The following SSBP2 variants were observed in gnomAD, a reference collection of about 807,000 sequenced individuals.
SSBP2 encodes single-stranded DNA-binding protein 2.
A neutral mutation model predicts 61.8 loss-of-function variants in SSBP2; 17 were observed. That is an observed-to-expected ratio of 0.28 (90% confidence interval 0.19 to 0.41). The LOEUF (loss-of-function observed/expected upper bound fraction) is 0.41, where lower values mean the gene tolerates loss of function less well. Ranked by LOEUF, SSBP2 falls within the 10% of genes least tolerant of loss-of-function variation. SSBP2 has a pLI of 1.00. For missense variants in SSBP2, 310 were observed against 458.7 expected (o/e 0.68, Z 2.96); for synonymous variants, 139 against 141.3 (o/e 0.98, Z 0.12).
intron 1 of SSBP2, among the ~76,000 whole-genome samples, chr5:81,651,855 T>C (rs1477382689): frequency 1.3e-5 from 2 of 152,176 alleles, no homozygotes; most frequent in South Asian, 4.1e-4. Flanking sequence ...TACCGCATGA[T>C]TCAGTGCCCA....
chr5:81,484,913 T>A (rs1766270135), intron 6 of SSBP2, among the ~76,000 whole-genome samples: 1 of 152,184 alleles, frequency 6.6e-6, no homozygotes. Context: ...ATATATCTGT[T>A]GACAGTGTTT....
chr5:81,568,738 T>C (rs1459058887), intron 4 of SSBP2, among the ~76,000 whole-genome samples: 2 of 152,246 alleles, frequency 1.3e-5, no homozygotes, highest in Non-Finnish European at 2.9e-5. Context: ...ATTTAAAATG[T>C]TCCCTTTGTA....
intron 4 of SSBP2, among the ~76,000 whole-genome samples, chr5:81,585,273 T>A (rs553377109): frequency 1.0e-3 from 152 of 152,222 alleles, no homozygotes; most frequent in African/African-American, 3.5e-3. Flanking sequence ...CCTCTCCTTA[T>A]ACTACCTATC....
At chr5:81,456,357 T>G (rs1358758111) in intron 10 of SSBP2, among the ~76,000 whole-genome samples, 1 of 151,744 alleles carries the variant, frequency 6.6e-6, no homozygotes, top group Non-Finnish European at 1.5e-5. Context: ...TGCCTTTTTT[T>G]TTTTTTTTCA....
At chr5:81,449,974 C>T (rs1332660305) in intron 10 of SSBP2, among the ~76,000 whole-genome samples, 1 of 152,116 alleles carries the variant, frequency 6.6e-6, no homozygotes, top group Non-Finnish European at 1.5e-5. Context: ...TGAATGAATA[C>T]AACTTTGCTC....
At chr5:81,496,012 C>T (rs186844377) in intron 5 of SSBP2, among the ~76,000 whole-genome samples, 4 of 152,072 alleles carry the variant, frequency 2.6e-5, no homozygotes, top group African/African-American at 4.8e-5. Context: ...TTAGAATGAA[C>T]GAATTAACAT....
rs749509548 is a variant in SSBP2, at chr5:81,751,036, C to T, written c.7G>A (p.Gly3Ser). The stretch of plus-strand genomic sequence containing the variant: ...GCGCTGCTGTTACTCTTGCCTTTGC[C>T]GTACATGCTTGTGCCGAGAGCAGCT... Residue 3 changes from glycine (G) to serine (S), a missense_variant, in exon 1 of 17, where the codon GGC (glycine) becomes AGC (serine). Gly to Ser is a moderately conservative substitution (Grantham distance 56). This residue lies in a region of SSBP2 where 36 missense variants were observed against 27.0 expected (regional missense o/e 1.33). Coordinates refer to ENST00000320672, the MANE Select transcript of SSBP2 (RefSeq NM_012446.5). The T allele has an allele frequency of 6.3e-7, 1 of 1,596,902 alleles. No homozygotes were observed. The highest frequency in any genetic ancestry group is 1.3e-5 in the African/African-American group (1 of 74,674).
At chr5:81,643,595 C>CTTTT (rs368511957) in intron 2 of SSBP2, among the ~76,000 whole-genome samples, 1,580 of 59,908 alleles carry the variant, frequency 0.026, no homozygotes, top group Non-Finnish European at 0.034. Context: ...TTTTTCCTTT[C>CTTTT]TTTTTTTTTT....
chr5:81,471,417 G>A (rs1765236713), intron 8 of SSBP2, among the ~76,000 whole-genome samples: 2 of 151,780 alleles, frequency 1.3e-5, no homozygotes, highest in South Asian at 2.1e-4. Context: ...TGAAAAATAA[G>A]TGAATAAATA....
At chr5:81,695,991 AT>A (rs1425419776) in intron 1 of SSBP2, among the ~76,000 whole-genome samples, 1 of 152,200 alleles carries the variant, frequency 6.6e-6, no homozygotes, top group Non-Finnish European at 1.5e-5. Context: ...TCCTAATGAT[AT>A]TATTGATAAA....
chr5:81,660,271 C>T (rs990728096), intron 1 of SSBP2, among the ~76,000 whole-genome samples: 2 of 152,120 alleles, frequency 1.3e-5, no homozygotes, highest in Non-Finnish European at 2.9e-5. Context: ...ATCTACCCAT[C>T]TGACAAAGGT....
chr5:81,525,144 A>G (rs570924645), intron 4 of SSBP2, among the ~76,000 whole-genome samples: 14 of 152,058 alleles, frequency 9.2e-5, no homozygotes, highest in Admixed American at 9.2e-4. Context: ...TTCCCATCCA[A>G]CTGGATCTGA....
intron 4 of SSBP2, among the ~76,000 whole-genome samples, chr5:81,525,677 AAGCATTCCC>A (rs2154099016): frequency 6.6e-6 from 1 of 151,962 alleles, no homozygotes; most frequent in African/African-American, 2.4e-5. Context: ...CCTACCTGTA[AAGCATTCCC>A]ACTGTTCATT....
intron 4 of SSBP2, among the ~76,000 whole-genome samples, chr5:81,536,544 T>C (rs1193736428): frequency 6.6e-6 from 1 of 152,154 alleles, no homozygotes; most frequent in Admixed American, 6.6e-5. Context: ...GATTCAGCAG[T>C]TGCTCTTCTT....
chr5:81,723,885 T>A (rs560612514), intron 1 of SSBP2, among the ~76,000 whole-genome samples: 2 of 152,132 alleles, frequency 1.3e-5, no homozygotes, highest in South Asian at 4.2e-4. Flanking sequence ...GAAGGAGTTA[T>A]GTATTTATCC....
chr5:81,454,087 T>C (rs1006489219), intron 10 of SSBP2, among the ~76,000 whole-genome samples: 1 of 152,146 alleles, frequency 6.6e-6, no homozygotes, highest in Non-Finnish European at 1.5e-5. Flanking sequence ...CATTGCCACA[T>C]GGTGATTAAA....
intron 1 of SSBP2, among the ~76,000 whole-genome samples, chr5:81,668,329 C>A (rs1407210695): frequency 1.4e-5 from 2 of 140,326 alleles, no homozygotes; most frequent in Admixed American, 7.0e-5. Flanking sequence ...AGTTTTAACA[C>A]AGAATTAACA....
intron 13 of SSBP2, among the ~76,000 whole-genome samples, chr5:81,441,825 G>T (rs1221370975): frequency 1.3e-5 from 2 of 152,148 alleles, no homozygotes; most frequent in Non-Finnish European, 2.9e-5. Flanking sequence ...ATAAGTCAAA[G>T]AAATAATTGA....
In SSBP2 at chr5:81,488,085, T is replaced by TAC. The variant is rs1280547601; in HGVS notation, c.432+1163_432+1164dup. 1.5e-4 allele frequency among the ~76,000 whole-genome samples: 19 copies of TAC among 126,450 alleles called. 2 individuals are homozygous for TAC. The highest frequency in any genetic ancestry group is 5.4e-4 in the South Asian group (2 of 3,680). The allele number at this position is 126,450 out of a possible 152,430, so 83.0% of individuals were successfully genotyped here. ...AATAAAATATCATATATTATATATA[T>TAC]ACACACACACACCACATTTTTTATA... On this transcript the variant is annotated intron_variant, in intron 6 of 16. Coordinates refer to ENST00000320672, the MANE Select transcript of SSBP2 (RefSeq NM_012446.5).
Sources: allele counts gnomAD v4.1 joint callset (sites outside exome capture counted in the v4.1 genomes callset), GRCh38; gene constraint gnomAD v4.1.1; regional missense constraint gnomAD v4.1.1; transcripts MANE v1.5; gene names NCBI Gene and HGNC (gene_info 2026-07-23, HGNC 2026-07-21).